Variants in GLG1 observed in about 807,000 individuals in gnomAD.
The protein encoded by GLG1 is golgi glycoprotein 1.
In GLG1, 38 loss-of-function variants were observed where a neutral mutation model predicts 160.5. The ratio of observed to expected loss-of-function variants is 0.24; its 90% CI spans 0.18 to 0.31. GLG1 has a LOEUF of 0.31. GLG1 is among the 10% of genes least tolerant of loss of function. GLG1 has a pLI of 1.00. For missense variants in GLG1, 1,373 were observed against 1,505.2 expected (o/e 0.91, Z 1.45); for synonymous variants, 644 against 543.4 (o/e 1.19, Z -2.57).
intron 11 of GLG1, among the ~76,000 whole-genome samples, chr16:74,478,111 G>A (rs756455625): frequency 1.3e-5 from 2 of 152,102 alleles, no homozygotes; most frequent in Non-Finnish European, 2.9e-5. Context: ...ATTCTTTTAT[G>A]ACAGTATCCT....
chr16:74,518,991 ACC>A lies in GLG1; in HGVS notation c.472-10068_472-10067del, dbSNP rs1316416003. 1.1e-4 allele frequency among the ~76,000 whole-genome samples: 16 copies of A among 152,332 alleles called. No individual in the cohort carries two copies. The East Asian group carries it at 2.9e-3, about 28-fold the overall frequency. ...CCAGCAATCCCATCACTAGGCATAT[ACC>A]TAAAGGATTATAAATCATTATATGA... is the stretch of plus-strand genomic sequence containing the variant. On this transcript the variant is annotated intron_variant, in intron 2 of 25. Transcript: ENST00000422840.
intron 4 of GLG1, among the ~76,000 whole-genome samples, chr16:74,498,433 C>A (rs1397201934): frequency 4.3e-3 from 130 of 30,210 alleles, no homozygotes; most frequent in Admixed American, 5.7e-3. Flanking sequence ...GGCTCTGTCT[C>A]AAAAAAAAAA....
intron 1 of GLG1, among the ~76,000 whole-genome samples, chr16:74,605,201 A>AC: frequency 6.6e-6 from 1 of 150,682 alleles, no homozygotes; most frequent in Middle Eastern, 3.4e-3. Context: ...ACCCCCCAAA[A>AC]CCCCCATTTC....
At chr16:74,533,329 AAAAAC>A (rs1217894887) in intron 1 of GLG1, among the ~76,000 whole-genome samples, 2 of 152,198 alleles carry the variant, frequency 1.3e-5, no homozygotes, top group African/African-American at 2.4e-5. Context: ...TCAAAAAACA[AAAAAC>A]AAAACAAAAC....
At chr16:74,465,186 T>C (rs890318281) in intron 19 of GLG1, among the ~76,000 whole-genome samples, 5 of 152,158 alleles carry the variant, frequency 3.3e-5, no homozygotes, top group Non-Finnish European at 7.3e-5. Flanking sequence ...AACTGACATC[T>C]AGGTACTCAG....
At chr16:74,489,070 G>C (rs1036049752) in intron 8 of GLG1, among the ~76,000 whole-genome samples, 1 of 152,156 alleles carries the variant, frequency 6.6e-6, no homozygotes, top group African/African-American at 2.4e-5. Context: ...CTTTCAACAA[G>C]CTACATTTTA....
At chr16:74,463,838 G>C (rs1017890156) in intron 19 of GLG1, 1 of 215,532 alleles carries the variant, frequency 4.6e-6, no homozygotes, top group East Asian at 1.2e-4. Flanking sequence ...GCTTCCCAAA[G>C]TGCTGGGATT....
chr16:74,599,571 T>C (rs994379505), intron 1 of GLG1, among the ~76,000 whole-genome samples: 1 of 151,848 alleles, frequency 6.6e-6, no homozygotes, highest in Non-Finnish European at 1.5e-5. Flanking sequence ...ATACAAAAAT[T>C]AGCCAAGCCT....
intron 1 of GLG1, among the ~76,000 whole-genome samples, chr16:74,570,390 G>A (rs2018791496): frequency 6.6e-6 from 1 of 151,780 alleles, no homozygotes; most frequent in South Asian, 2.1e-4. Flanking sequence ...CTCAGCCTCA[G>A]AAAATCTTAA....
chr16:74,565,037 G>C (rs1330255542), intron 1 of GLG1, among the ~76,000 whole-genome samples: 1 of 152,074 alleles, frequency 6.6e-6, no homozygotes, highest in East Asian at 1.9e-4. Context: ...TCTCAAAATT[G>C]ACAAACAATA....
chr16:74,559,512 C>T (rs1468440554), intron 1 of GLG1, among the ~76,000 whole-genome samples: 1 of 151,984 alleles, frequency 6.6e-6, no homozygotes, highest in Non-Finnish European at 1.5e-5. Context: ...CAAATACAGT[C>T]AAATAAAAAT....
chr16:74,565,247 T>G (rs9930003), intron 1 of GLG1, among the ~76,000 whole-genome samples: 111,063 of 151,964 alleles, frequency 0.73, 41,044 homozygotes, highest in African/African-American at 0.84. Context: ...GAGAATCACT[T>G]GAACCCAGGG....
At chr16:74,577,407 A>G (rs1317306064) in intron 1 of GLG1, among the ~76,000 whole-genome samples, 2 of 151,726 alleles carry the variant, frequency 1.3e-5, no homozygotes, top group African/African-American at 4.8e-5. Context: ...CTGTAATCCC[A>G]GCTACTCGGG....
rs775514965 is a variant in GLG1 at position 74,453,218 on chromosome 16, C to T, written c.3489G>A (p.Leu1163=). 7 of 1,614,108 alleles carry T rather than the reference C, an allele frequency of 4.3e-6. No homozygotes were observed. The East Asian group carries it at 1.1e-4, about 26-fold the overall frequency. The change falls in exon 26 of 26, where the codon CTG becomes CTA. Residue 1163 remains leucine, a synonymous_variant. Transcript: ENST00000422840. ...CTCGCTTGGTGATCCGTCCACACAT[C>T]AGGCCAATCAGGAACAATATACAGA... ...GSICILFLIG[L]MCGRITKRVT... is the part of the protein sequence containing the mutation.
chr16:74,498,868 C>CAAAAAAAAA (rs57372225), intron 4 of GLG1, among the ~76,000 whole-genome samples: 3 of 75,824 alleles, frequency 4.0e-5, no homozygotes, highest in Non-Finnish European at 6.8e-5. Context: ...CCGTCTCAGG[C>CAAAAAAAAA]AAAAAAAAAA....
chr16:74,515,522 T>C (rs185128579), intron 2 of GLG1, among the ~76,000 whole-genome samples: 1 of 152,184 alleles, frequency 6.6e-6, no homozygotes, highest in Non-Finnish European at 1.5e-5. Context: ...ACATGGAAAC[T>C]GAACAACCTG....
chr16:74,599,066 T>C (rs1958376068), intron 1 of GLG1, among the ~76,000 whole-genome samples: 1 of 152,138 alleles, frequency 6.6e-6, no homozygotes, highest in African/African-American at 2.4e-5. Flanking sequence ...AATGAATTAT[T>C]AAGCAACTAT....
chr16:74,544,232 T>G (rs909807073), intron 1 of GLG1, among the ~76,000 whole-genome samples: 1 of 152,218 alleles, frequency 6.6e-6, no homozygotes, highest in African/African-American at 2.4e-5. Context: ...AGCACAAATT[T>G]TGGAAAGAGA....
chr16:74,503,776 A>G (rs759644048), intron 3 of GLG1, 30 bp from the exon 4 acceptor site: 7 of 1,381,714 alleles, frequency 5.1e-6, no homozygotes, highest in African/African-American at 1.4e-5. Context: ...TGTTTTACAA[A>G]AGTGTTCCAT....
Sources: allele counts gnomAD v4.1 joint callset (sites outside exome capture counted in the v4.1 genomes callset), GRCh38; gene constraint gnomAD v4.1.1; transcripts MANE v1.5; gene names NCBI Gene and HGNC (gene_info 2026-07-23, HGNC 2026-07-21).